Variants in RELN observed in about 807,000 individuals in gnomAD.
The protein encoded by RELN is reelin.
A neutral mutation model predicts 427.6 loss-of-function variants in RELN; 108 were observed. That is an observed-to-expected ratio of 0.25 (90% CI 0.22 to 0.30). The LOEUF (loss-of-function observed/expected upper bound fraction) is 0.30. RELN is among the 10% of genes least tolerant of loss of function. The pLI, the probability that RELN is intolerant of heterozygous loss-of-function variation, is 1.00. For synonymous variants in RELN, 1,524 were observed against 1,513.4 expected (o/e 1.01, Z -0.16); for missense variants, 3,715 against 4,302.8 (o/e 0.86, Z 3.82).
At chr7:103,861,730 A>G (rs1222777439) in intron 2 of RELN, among the ~76,000 whole-genome samples, 2 of 152,202 alleles carry the variant, frequency 1.3e-5, no homozygotes, top group African/African-American at 4.8e-5. Flanking sequence ...CTTTTATGAA[A>G]GTAAAATCAA....
intron 50 of RELN, chr7:103,513,239 A>G (rs1444885166): frequency 1.3e-5 from 2 of 152,214 alleles, no homozygotes; most frequent in South Asian, 2.1e-4. Flanking sequence ...GCAGTATTAG[A>G]AACTACTTCT....
intron 4 of RELN, among the ~76,000 whole-genome samples, chr7:103,763,729 G>A (rs1022707286): frequency 2.0e-5 from 3 of 152,074 alleles, no homozygotes; most frequent in African/African-American, 7.2e-5. Context: ...TGTCAGGTGA[G>A]GGTGATGGGT....
At chr7:103,478,539 AATT>A (rs1828116863) in intron 63 of RELN, 145 bp from the exon 64 acceptor site, 4 of 673,300 alleles carry the variant, frequency 5.9e-6, no homozygotes, top group Non-Finnish European at 1.1e-5. Context: ...TGAAAATAAA[AATT>A]AAAGAAGTTA....
At chr7:103,842,538 T>C (rs1793577693) in intron 2 of RELN, among the ~76,000 whole-genome samples, 1 of 152,212 alleles carries the variant, frequency 6.6e-6, no homozygotes, top group Non-Finnish European at 1.5e-5. Flanking sequence ...GCAGCTTATC[T>C]GTGAAGTACC....
intron 3 of RELN, among the ~76,000 whole-genome samples, chr7:103,809,447 G>A (rs752127891): frequency 4.8e-5 from 7 of 147,344 alleles, no homozygotes; most frequent in Non-Finnish European, 1.1e-4. Context: ...CAGGCCTCGC[G>A]AGCAGCCAGC....
At chr7:103,685,639 TTTCA>T (rs745994836) in intron 10 of RELN, among the ~76,000 whole-genome samples, 9 of 152,154 alleles carry the variant, frequency 5.9e-5, no homozygotes, top group Non-Finnish European at 1.2e-4. Flanking sequence ...TTTGTACTTG[TTTCA>T]TTATTTTAGC....
At chr7:103,747,173 A>G (rs1304428691) in intron 6 of RELN, among the ~76,000 whole-genome samples, 2 of 151,554 alleles carry the variant, frequency 1.3e-5, no homozygotes, top group East Asian at 3.9e-4. Context: ...ACAAAAAACC[A>G]AACACCGCAT....
At chr7:103,518,504 A>AT (rs1584258670) in intron 49 of RELN, among the ~76,000 whole-genome samples, 1 of 89,978 alleles carries the variant, frequency 1.1e-5, no homozygotes, top group Non-Finnish European at 1.8e-5. Flanking sequence ...AGGTAATTTA[A>AT]GTTTTTTTTT....
chr7:103,804,949 A>G (rs537189162), intron 3 of RELN, among the ~76,000 whole-genome samples: 1 of 152,254 alleles, frequency 6.6e-6, no homozygotes, highest in South Asian at 2.1e-4. Flanking sequence ...ATTGTTGCTC[A>G]TCAGGAGGTC....
chr7:103,656,432 C>T (rs1186877275), intron 12 of RELN, among the ~76,000 whole-genome samples: 1 of 151,674 alleles, frequency 6.6e-6, no homozygotes, highest in Non-Finnish European at 1.5e-5. Flanking sequence ...TGGGGGTGAG[C>T]CTGTTACTAG....
chr7:103,510,630 TAAAAAAAGATG>T (rs1209466204), intron 51 of RELN, among the ~76,000 whole-genome samples: 1 of 151,708 alleles, frequency 6.6e-6, no homozygotes, highest in Admixed American at 6.6e-5. Context: ...TAAAGTATAA[TAAAAAAAGATG>T]AAAAAAAGTT....
chr7:103,890,945 G>A lies in RELN; in HGVS notation c.337+26130C>T, dbSNP rs79806455. Among the ~76,000 whole-genome samples the A allele has an allele frequency of 3.9e-3, 600 of 152,182 alleles. 22 individuals carry two copies. The East Asian group carries it at 0.072, about 18-fold the overall frequency. ...ACAAAAATTAGCTGGGCATGGTGGT[G>A]CGCACCTGTAATCCCAGCTGTAATC... On this transcript the variant is annotated intron_variant, in intron 2 of 64. Coordinates refer to ENST00000428762, the MANE Select transcript of RELN (RefSeq NM_005045.4).
At chr7:103,682,430 T>C (rs888440873) in intron 10 of RELN, among the ~76,000 whole-genome samples, 169 bp from the exon 11 acceptor site, 3 of 152,196 alleles carry the variant, frequency 2.0e-5, no homozygotes, top group African/African-American at 7.2e-5. Context: ...TTTAATTCAA[T>C]TACAATTTCT....
chr7:103,884,575 C>T lies in RELN; in HGVS notation c.337+32500G>A, dbSNP rs151164988. ...ATCCAGAATCTACAAAGAACTTAAA[C>T]AAATTTACAAGGAAAAAACAAACCA... is the stretch of plus-strand genomic sequence containing the variant. On this transcript the variant is annotated intron_variant, in intron 2 of 64. Transcript: ENST00000428762. Among the ~76,000 whole-genome samples, 601 of 152,244 alleles carry T rather than the reference C, an allele frequency of 3.9e-3. 22 individuals are homozygous for T. In the East Asian group the frequency reaches 0.072, roughly 18 times the overall value.
At chr7:103,682,634 T>A (rs1016585454) in intron 10 of RELN, among the ~76,000 whole-genome samples, 1 of 152,252 alleles carries the variant, frequency 6.6e-6, no homozygotes, top group South Asian at 2.1e-4. Flanking sequence ...CTAAATAGCA[T>A]TGACCTTTTC....
chr7:103,816,563 ACAC>A (rs1269463825), intron 3 of RELN, among the ~76,000 whole-genome samples: 1 of 151,666 alleles, frequency 6.6e-6, no homozygotes, highest in African/African-American at 2.4e-5. Flanking sequence ...ACACACACAC[ACAC>A]AACTAAGGCC....
chr7:103,763,710 A>C (rs1348554496), intron 4 of RELN, among the ~76,000 whole-genome samples: 1 of 152,112 alleles, frequency 6.6e-6, no homozygotes, highest in African/African-American at 2.4e-5. Context: ...GCTGAAATAA[A>C]GAGTCTGGTG....
chr7:103,630,870 T>TTG (rs1554394476), intron 19 of RELN, among the ~76,000 whole-genome samples: 10 of 150,450 alleles, frequency 6.6e-5, no homozygotes, highest in Non-Finnish European at 8.9e-5. Context: ...GTTTTTTTTT[T>TTG]TTTTGTTTTT....
At chr7:103,736,088 C>T (rs991485243) in intron 6 of RELN, among the ~76,000 whole-genome samples, 1 of 152,156 alleles carries the variant, frequency 6.6e-6, no homozygotes. Flanking sequence ...CAAAGCAAGG[C>T]CAAATCAAGG....
Sources: gnomAD v4.1 joint callset for allele counts (sites outside exome capture counted in the v4.1 genomes callset) on GRCh38, gnomAD v4.1.1 for gene constraint, MANE v1.5 for transcripts, NCBI Gene and HGNC (gene_info 2026-07-23, HGNC 2026-07-21) for gene names.